KATNIP: variants seen among roughly 807,000 people sequenced by gnomAD.
KATNIP encodes katanin-interacting protein.
KATNIP carries 126 observed loss-of-function variants against 174.0 expected under a neutral mutation model. The observed-to-expected ratio is 0.72, with a 90% CI of 0.63 to 0.84. The LOEUF (loss-of-function observed/expected upper bound fraction) is 0.84. KATNIP is among the 40% of genes least tolerant of loss of function. The pLI, the probability that KATNIP is intolerant of heterozygous loss-of-function variation, is 0.00. For synonymous variants in KATNIP, 810 were observed against 835.7 expected, an observed-to-expected ratio of 0.97 and a Z score of 0.53; for missense variants, 1,958 against 2,109.7, an observed-to-expected ratio of 0.93 and a Z score of 1.41.
At chr16:27,657,449 C>T (rs956841627) in intron 6 of KATNIP, among the ~76,000 whole-genome samples, 14 of 152,140 alleles carry the variant, frequency 9.2e-5, no homozygotes, top group South Asian at 6.2e-4. Flanking sequence ...GAAAAATGGC[C>T]GGGCACAGTG....
intron 18 of KATNIP, among the ~76,000 whole-genome samples, chr16:27,759,935 A>G (rs975336472): frequency 1.3e-5 from 2 of 152,160 alleles, no homozygotes; most frequent in Admixed American, 6.5e-5. Flanking sequence ...TGCTGGCCAC[A>G]TGTTTTTTTC....
chr16:27,587,612 G>A (rs2090949169), intron 2 of KATNIP, among the ~76,000 whole-genome samples: 1 of 152,120 alleles, frequency 6.6e-6, no homozygotes, highest in African/African-American at 2.4e-5. Context: ...GCTCAACCTA[G>A]CCTACCTTAA....
chr16:27,693,752 T>G (rs1342354779), intron 8 of KATNIP, among the ~76,000 whole-genome samples: 2 of 152,190 alleles, frequency 1.3e-5, no homozygotes, highest in Non-Finnish European at 2.9e-5. Flanking sequence ...TCTAGGTGCC[T>G]TGACCCTTCT....
At chr16:27,687,456 T>A (rs1178975188) in intron 8 of KATNIP, 1 of 152,162 alleles carries the variant, frequency 6.6e-6, no homozygotes, top group Non-Finnish European at 1.5e-5. Context: ...CCCTTGCCCC[T>A]TTTTCTTAGA....
intron 6 of KATNIP, among the ~76,000 whole-genome samples, chr16:27,656,959 AAC>A (rs1202777842): frequency 6.6e-6 from 1 of 152,100 alleles, no homozygotes; most frequent in East Asian, 1.9e-4. Context: ...CCTAAAAAAA[AAC>A]ACAATAAAGG....
intron 15 of KATNIP, among the ~76,000 whole-genome samples, chr16:27,748,318 C>T (rs780911036): frequency 1.2e-4 from 18 of 152,310 alleles, no homozygotes; most frequent in Middle Eastern, 3.4e-3. Context: ...CGGTGGCTTA[C>T]GCCTGTAATC....
At chr16:27,771,006 G>C (rs748139663) in intron 21 of KATNIP, among the ~76,000 whole-genome samples, 1 of 152,198 alleles carries the variant, frequency 6.6e-6, no homozygotes, top group Admixed American at 6.5e-5. Flanking sequence ...GCTCCTCTGC[G>C]TGGAAGGTTC....
chr16:27,581,120 G>T (rs1208189240), intron 2 of KATNIP, among the ~76,000 whole-genome samples: 1 of 151,842 alleles, frequency 6.6e-6, no homozygotes, highest in Non-Finnish European at 1.5e-5. Flanking sequence ...ATACTAAGTG[G>T]GTAAATAAAG....
intron 6 of KATNIP, among the ~76,000 whole-genome samples, chr16:27,667,609 G>A (rs1420905882): frequency 1.3e-5 from 2 of 152,128 alleles, no homozygotes; most frequent in African/African-American, 2.4e-5. Flanking sequence ...CTTTCTGCCT[G>A]CATGTCAGTG....
chr16:27,662,067 T>TACACATAC lies in KATNIP; in HGVS notation c.540+13333_540+13334insCACATACA, dbSNP rs1250649383. 4.3e-5 allele frequency among the ~76,000 whole-genome samples: 4 copies of TACACATAC among 93,434 alleles called. 1 individual carries two copies. Among genetic ancestry groups the TACACATAC allele is most frequent in the Non-Finnish European group, 8.1e-5 (4 of 49,246 alleles). 61.3% of individuals were successfully genotyped at this position (93,434 alleles called of 152,430 possible). On this transcript the variant is annotated intron_variant, in intron 6 of 27. Transcript: ENST00000261588. ...ACACATACATATATATATATATATA[T>TACACATAC]ATATACACACATATATATATACACA...
intron 14 of KATNIP, among the ~76,000 whole-genome samples, chr16:27,723,624 G>GATGA (rs976709636): frequency 2.5e-4 from 38 of 151,874 alleles, no homozygotes; most frequent in African/African-American, 5.3e-4. Flanking sequence ...ATACGTGGTT[G>GATGA]ATGAATGAAT....
chr16:27,567,913 A>C (rs969544975), intron 1 of KATNIP, among the ~76,000 whole-genome samples: 1 of 152,178 alleles, frequency 6.6e-6, no homozygotes, highest in African/African-American at 2.4e-5. Flanking sequence ...GTAGTGAGCT[A>C]TGTTCACACC....
At chr16:27,590,231 C>A in intron 2 of KATNIP, among the ~76,000 whole-genome samples, 1 of 151,790 alleles carries the variant, frequency 6.6e-6, no homozygotes, top group Admixed American at 6.6e-5. Context: ...AAATTAGTCC[C>A]TGTCTTTCAT....
intron 2 of KATNIP, among the ~76,000 whole-genome samples, chr16:27,586,784 G>A (rs1447054911): frequency 5.3e-5 from 8 of 150,306 alleles, no homozygotes; most frequent in Admixed American, 4.0e-4. Context: ...AGCCAAGATC[G>A]CGCCACTGCA....
intron 8 of KATNIP, among the ~76,000 whole-genome samples, chr16:27,688,945 G>T (rs1045206128): frequency 2.6e-5 from 4 of 152,210 alleles, no homozygotes; most frequent in Admixed American, 1.3e-4. Context: ...GGCTGAGCCA[G>T]AAGTGGAGTC....
chr16:27,599,775 G>A (rs1204454222), intron 2 of KATNIP, among the ~76,000 whole-genome samples: 1 of 152,200 alleles, frequency 6.6e-6, no homozygotes, highest in Non-Finnish European at 1.5e-5. Context: ...CCAGTGGTCT[G>A]GAGTCTCAGG....
intron 15 of KATNIP, among the ~76,000 whole-genome samples, chr16:27,746,486 T>G (rs1271985490): frequency 2.0e-5 from 3 of 151,948 alleles, no homozygotes; most frequent in Non-Finnish European, 2.9e-5. Flanking sequence ...AACTGACAGG[T>G]GGAGGGGGGA....
At chr16:27,748,268 T>TATAAA (rs770407575) in intron 15 of KATNIP, among the ~76,000 whole-genome samples, 2 of 152,194 alleles carry the variant, frequency 1.3e-5, no homozygotes, top group Non-Finnish European at 2.9e-5. Flanking sequence ...ATAATATACC[T>TATAAA]GGCTTAATGG....
At chr16:27,691,726 G>A (rs1009379195) in intron 8 of KATNIP, among the ~76,000 whole-genome samples, 2 of 152,188 alleles carry the variant, frequency 1.3e-5, no homozygotes, top group African/African-American at 4.8e-5. Flanking sequence ...TTAAAAGCAT[G>A]TTCTTAGCAT....
Sources: gnomAD v4.1 joint callset for allele counts (sites outside exome capture counted in the v4.1 genomes callset) on GRCh38, gnomAD v4.1.1 for gene constraint, MANE v1.5 for transcripts, NCBI Gene and HGNC (gene_info 2026-07-23, HGNC 2026-07-21) for gene names.